XDH: variants seen among roughly 807,000 people sequenced by gnomAD.
The protein encoded by XDH is xanthine dehydrogenase, also known as xanthine dehydrogenase/oxidase.
Under a neutral mutation model 156.1 loss-of-function variants are expected in XDH, and 138 were observed. The observed-to-expected ratio is 0.88, with a 90% CI of 0.77 to 1.02. The LOEUF is 1.02. Ranked by LOEUF, XDH falls within the 50% of genes least tolerant of loss-of-function variation. The pLI is 0.00. For synonymous variants in XDH, 669 were observed against 625.7 expected (o/e 1.07, Z -1.03); for missense variants, 1,849 against 1,684.9 (o/e 1.10, Z -1.71).
intron 14 of XDH, 87 bp downstream of exon 14, chr2:31,376,966 T>C: frequency 6.6e-7 from 1 of 1,522,506 alleles, no homozygotes; most frequent in Non-Finnish European, 9.1e-7. Flanking sequence ...GTAATACTAC[T>C]GGTAGTCATA....
At chr2:31,393,495 A>G (rs1470958787) in intron 6 of XDH, among the ~76,000 whole-genome samples, 2 of 152,152 alleles carry the variant, frequency 1.3e-5, no homozygotes, top group Non-Finnish European at 2.9e-5. Context: ...GTTTTAATCT[A>G]TCTGTGTCTT....
chr2:31,403,215 G>A (rs976234603), intron 2 of XDH, 71 bp from the exon 3 acceptor site: 13 of 1,539,274 alleles, frequency 8.4e-6, no homozygotes, highest in African/African-American at 5.4e-5. Context: ...AAATGCCTGG[G>A]CAGAGCTGTG....
At chr2:31,377,297 A>G (rs1197912358) in intron 13 of XDH, 60 bp from the exon 14 acceptor site, 1 of 1,600,754 alleles carries the variant, frequency 6.2e-7, no homozygotes, top group African/African-American at 1.3e-5. Context: ...TGCAAATGGC[A>G]GACCCAAACC....
intron 24 of XDH, among the ~76,000 whole-genome samples, chr2:31,357,558 G>C (rs937052194): frequency 6.6e-6 from 1 of 152,014 alleles, no homozygotes; most frequent in Non-Finnish European, 1.5e-5. Context: ...GGGAGGGTAG[G>C]GGGACAGAGG....
intron 15 of XDH, among the ~76,000 whole-genome samples, chr2:31,375,129 G>A (rs1208442601): frequency 1.4e-5 from 2 of 147,174 alleles, no homozygotes; most frequent in Admixed American, 6.9e-5. Flanking sequence ...GAGTTCAAGT[G>A]ATTCTCCTGC....
chr2:31,370,297 CA>C, intron 18 of XDH, 57 bp downstream of exon 18: 2 of 1,592,232 alleles, frequency 1.3e-6, no homozygotes, highest in South Asian at 2.2e-5. Context: ...GCAATGTACA[CA>C]AATTAAAACT....
chr2:31,379,667 G>C (rs1686376625), intron 13 of XDH, among the ~76,000 whole-genome samples, 200 bp downstream of exon 13: 1 of 152,166 alleles, frequency 6.6e-6, no homozygotes, highest in Non-Finnish European at 1.5e-5. Context: ...CATGCCATGT[G>C]GACTCCTATC....
intron 11 of XDH, 66 bp from the exon 12 acceptor site, chr2:31,381,792 C>T: frequency 7.0e-7 from 1 of 1,432,946 alleles, no homozygotes; most frequent in Non-Finnish European, 9.7e-7. Context: ...GTAGCAGGCT[C>T]CTGAACATAC....
At chr2:31,381,293 C>A (rs931395317) in intron 12 of XDH, among the ~76,000 whole-genome samples, 1 of 152,254 alleles carries the variant, frequency 6.6e-6, no homozygotes, top group South Asian at 2.1e-4. Flanking sequence ...ACCGCACTAC[C>A]GCACTTGGCC....
chr2:31,354,959 C>G (rs533116014), intron 24 of XDH, among the ~76,000 whole-genome samples: 2 of 152,222 alleles, frequency 1.3e-5, no homozygotes, highest in African/African-American at 2.4e-5. Flanking sequence ...CAGGATAAGC[C>G]TGAAGAAATC....
Position 31,372,272 on chromosome 2 carries a change from C to T in XDH, c.1812G>A (p.Leu604=). The T allele has an allele frequency of 1.2e-6, 2 of 1,614,258 alleles. No homozygotes were observed. Among genetic ancestry groups the T allele is most frequent in the Non-Finnish European group, 1.7e-6 (2 of 1,180,046 alleles). ...CDDIPRYENE[L]SLRLVTSTRA... ...GGGTGCTGGTGACCAGCCGGAGAGACAGCTCATTCTCGTAGCGAGGAATGT... is the reference window on the plus strand; with the variant it reads ...GGGTGCTGGTGACCAGCCGGAGAGATAGCTCATTCTCGTAGCGAGGAATGT... Residue 604 remains leucine (L), a synonymous_variant, in exon 17 of 36, where the codon CTG becomes CTA. Coordinates refer to ENST00000379416, the MANE Select transcript of XDH (RefSeq NM_000379.4).
At chr2:31,388,814 C>T (rs1686682918) in intron 6 of XDH, among the ~76,000 whole-genome samples, 1 of 152,176 alleles carries the variant, frequency 6.6e-6, no homozygotes, top group Non-Finnish European at 1.5e-5. Flanking sequence ...AATGGCCTCC[C>T]TACTGCTTAT....
At chr2:31,336,037 C>A (rs779168816) in intron 35 of XDH, 29 bp from the exon 36 acceptor site, 1 of 1,613,024 alleles carries the variant, frequency 6.2e-7, no homozygotes, top group East Asian at 2.2e-5. Flanking sequence ...GTTCTCATTG[C>A]CAGGGTCTGC....
In XDH at chr2:31,383,789, G is replaced by C. The variant is rs776049667; in HGVS notation, c.852C>G (p.Ile284Met). The change falls in exon 10 of 36, where the codon ATC becomes ATG. Residue 284 changes from isoleucine (I) to methionine (M), a missense_variant. Ile to Met is a conservative substitution (Grantham distance 10). Coordinates refer to ENST00000379416, the MANE Select transcript of XDH (RefSeq NM_000379.4). ...CATGTTCTACCGAATTCAGCTCAGG[G>C]ATCCAGGCTGGGCAGACAATCATAG... is the stretch of plus-strand genomic sequence containing the variant. ...LFPMIVCPAW[I>M]PELNSVEHGP... 1 of 1,614,140 alleles carries C rather than the reference G, an allele frequency of 6.2e-7. No individual in the cohort carries two copies. Among genetic ancestry groups the C allele is most frequent in the South Asian group, 1.1e-5 (1 of 91,038 alleles).
chr2:31,398,819 T>G lies in XDH; in HGVS notation c.307-120A>C. On this transcript the variant is annotated intron_variant, in intron 4 of 35. Transcript: ENST00000379416. The stretch of plus-strand genomic sequence containing the variant: ...TGGGGGTAGTAATCACTGCACAGAG[T>G]CAAGCCCCAGTGCCACCATTTACCA... 2.0e-6 allele frequency: 3 copies of G among 1,515,774 alleles called. No homozygotes were observed. In the South Asian group the frequency reaches 3.4e-5, roughly 17 times the overall value. 93.9% of individuals were successfully genotyped at this position (1,515,774 alleles called of 1,614,324 possible). A position where few individuals can be genotyped will look rare whatever the true frequency, so the allele number is the denominator to read the frequency against.
chr2:31,399,842 C>T (rs797017050), intron 4 of XDH, among the ~76,000 whole-genome samples: 41 of 152,208 alleles, frequency 2.7e-4, no homozygotes, highest in African/African-American at 9.9e-4. Flanking sequence ...GAACTGAATC[C>T]ATTAAACTTC....
chr2:31,357,937 G>T (rs1002763114), intron 24 of XDH, among the ~76,000 whole-genome samples: 3 of 151,888 alleles, frequency 2.0e-5, no homozygotes, highest in Non-Finnish European at 4.4e-5. Context: ...AATTTGAATA[G>T]TCCTAGAACT....
At chr2:31,383,696 T>A (rs1344659576) in intron 10 of XDH, 59 bp downstream of exon 10, 2 of 1,542,070 alleles carry the variant, frequency 1.3e-6, no homozygotes, top group Admixed American at 1.8e-5. Flanking sequence ...GCCACCCACC[T>A]TGTAACCTAT....
chr2:31,375,252 T>C (rs1024792501), intron 15 of XDH, 128 bp downstream of exon 15: 5 of 1,236,456 alleles, frequency 4.0e-6, no homozygotes, highest in Admixed American at 1.7e-5. Context: ...ATTCTTGTGC[T>C]GTGACCCTGG....
Sources: allele counts gnomAD v4.1 joint callset (sites outside exome capture counted in the v4.1 genomes callset), GRCh38; gene constraint gnomAD v4.1.1; transcripts MANE v1.5; gene names NCBI Gene and HGNC (gene_info 2026-07-23, HGNC 2026-07-21).